CATSPERE: variants seen among roughly 807,000 people sequenced by gnomAD.
The protein encoded by CATSPERE is cation channel sperm-associated auxiliary subunit epsilon.
In CATSPERE, 93 loss-of-function variants were observed where a neutral mutation model predicts 114.1. That is an observed-to-expected ratio of 0.81 (90% CI 0.69 to 0.97). The LOEUF (loss-of-function observed/expected upper bound fraction) is 0.97. Among genes scored for constraint, CATSPERE ranks in the 50% least tolerant of loss-of-function variants. The pLI is 0.00. For synonymous variants in CATSPERE, 341 were observed against 384.1 expected, an observed-to-expected ratio of 0.89 and a Z score of 1.31; for missense variants, 1,058 against 1,131.6, an observed-to-expected ratio of 0.93 and a Z score of 0.93.
At chr1:244,601,812 G>A (rs964784420) in intron 17 of CATSPERE, among the ~76,000 whole-genome samples, 3 of 152,296 alleles carry the variant, frequency 2.0e-5, no homozygotes, top group South Asian at 2.1e-4. Context: ...AATTAGCCGG[G>A]CGTGGGTGGT....
chr1:244,509,030 C>G (rs940312804), intron 7 of CATSPERE, among the ~76,000 whole-genome samples: 2 of 150,774 alleles, frequency 1.3e-5, no homozygotes, highest in Non-Finnish European at 3.0e-5. Flanking sequence ...CAAAGAAGAA[C>G]AATTTATTTT....
chr1:244,517,122 G>A (rs904129306), intron 7 of CATSPERE, among the ~76,000 whole-genome samples: 2 of 151,538 alleles, frequency 1.3e-5, no homozygotes, highest in Admixed American at 1.3e-4. Context: ...ACACTAATGT[G>A]GTTTTTGCCT....
intron 17 of CATSPERE, among the ~76,000 whole-genome samples, chr1:244,595,024 T>C (rs1198977653): frequency 6.6e-6 from 1 of 152,164 alleles, no homozygotes; most frequent in Non-Finnish European, 1.5e-5. Flanking sequence ...AGAGGCCTAG[T>C]GTGTTTGTGT....
intron 2 of CATSPERE, among the ~76,000 whole-genome samples, chr1:244,474,737 CTTTTT>C (rs751024910): frequency 1.6e-5 from 2 of 126,442 alleles, no homozygotes. Context: ...TTTTCTTCTT[CTTTTT>C]TTTTTTTTTT....
chr1:244,553,616 C>CACACACACACACATATATACAT lies in CATSPERE; in HGVS notation c.1029+815_1029+816insTATATACATACACACACACACA, dbSNP rs1558484790. ...AAAAAAAAAAATACACACACACACACACACACACACACACACACACACACA... is the reference window on the plus strand; with the variant it reads ...AAAAAAAAAAATACACACACACACACACACACACACACATATATACATACACACACACACACACACACACACA... On this transcript the variant is annotated intron_variant, in intron 9 of 21. Transcript: ENST00000366534. Among the ~76,000 whole-genome samples the CACACACACACACATATATACAT allele has an allele frequency of 2.1e-3, 278 of 130,184 alleles. 1 individual carries two copies. The highest frequency in any genetic ancestry group is 8.5e-3 in the African/African-American group (265 of 31,118). The allele number at this position is 130,184 out of a possible 152,430, so 85.4% of individuals were successfully genotyped here.
intron 13 of CATSPERE, among the ~76,000 whole-genome samples, chr1:244,587,859 G>A (rs1472632382): frequency 1.3e-5 from 2 of 152,282 alleles, no homozygotes; most frequent in South Asian, 4.1e-4. Flanking sequence ...GTGCAAACTG[G>A]AAGTAGAGAT....
chr1:244,588,653 A>C, intron 14 of CATSPERE, 119 bp downstream of exon 14: 1 of 780,932 alleles, frequency 1.3e-6, no homozygotes, highest in Non-Finnish European at 2.2e-6. Context: ...GAAATCCAAA[A>C]CTGAATTGAC....
chr1:244,520,908 G>T (rs926692306), intron 8 of CATSPERE, among the ~76,000 whole-genome samples: 4 of 152,224 alleles, frequency 2.6e-5, no homozygotes, highest in African/African-American at 9.6e-5. Flanking sequence ...GAAGGGAAGA[G>T]AGCACTAGCA....
intron 13 of CATSPERE, among the ~76,000 whole-genome samples, chr1:244,585,511 A>G (rs191313026): frequency 5.1e-4 from 77 of 152,296 alleles, no homozygotes; most frequent in African/African-American, 1.8e-3. Context: ...TACTCAGCCA[A>G]GGAAATCAAA....
Position 244,461,405 on chromosome 1 carries a change from G to C in CATSPERE, c.-25G>C. On this transcript the variant is annotated 5_prime_UTR_variant, in exon 1 of 22. Coordinates refer to ENST00000366534, the MANE Select transcript of CATSPERE (RefSeq NM_001130957.2). Reference sequence around the variant, plus strand: ...GGCCTGGACGGGAGTGGCCGAGGCGGTTGGGCGGAGGCGGAGCAGGCGCCA... The same window carrying C: ...GGCCTGGACGGGAGTGGCCGAGGCGCTTGGGCGGAGGCGGAGCAGGCGCCA... The C allele has an allele frequency of 7.4e-7, 1 of 1,354,686 alleles. No individual in the cohort carries two copies. 83.9% of individuals were successfully genotyped at this position (1,354,686 alleles called of 1,614,324 possible).
intron 9 of CATSPERE, among the ~76,000 whole-genome samples, chr1:244,553,579 T>TGA (rs1661018723): frequency 2.5e-5 from 1 of 40,440 alleles, no homozygotes; most frequent in Admixed American, 3.7e-4. Flanking sequence ...AGACCCCGTC[T>TGA]CAAAAAAAAA....
chr1:244,617,697 G>A lies in CATSPERE; in HGVS notation c.2648+11G>A, dbSNP rs2148708600. On this transcript the variant is annotated intron_variant, in intron 20 of 21. Coordinates refer to ENST00000366534, the MANE Select transcript of CATSPERE (RefSeq NM_001130957.2). The stretch of plus-strand genomic sequence containing the variant: ...GGATCCAAACTATAGGTGAATATAT[G>A]TGTTACTGTAATAGTGTTAGCATTA... 1 of 1,523,434 alleles carries A rather than the reference G, an allele frequency of 6.6e-7. No individual in the cohort carries two copies. The allele number at this position is 1,523,434 out of a possible 1,614,324, so 94.4% of individuals were successfully genotyped here.
At chr1:244,549,468 G>C (rs1455251147) in intron 8 of CATSPERE, among the ~76,000 whole-genome samples, 1 of 151,822 alleles carries the variant, frequency 6.6e-6, no homozygotes, top group Non-Finnish European at 1.5e-5. Context: ...AAATATATTT[G>C]TTTCCTTCCT....
At chr1:244,561,453 C>T (rs867923565) in intron 10 of CATSPERE, among the ~76,000 whole-genome samples, 2 of 152,070 alleles carry the variant, frequency 1.3e-5, no homozygotes, top group Admixed American at 6.6e-5. Flanking sequence ...TATTGTGTTA[C>T]GTTTCCTGGG....
chr1:244,634,939 G>A (rs548440256), intron 20 of CATSPERE, among the ~76,000 whole-genome samples: 4 of 152,270 alleles, frequency 2.6e-5, no homozygotes, highest in African/African-American at 9.6e-5. Flanking sequence ...CCGCCTCCTG[G>A]GTTCAAGAGA....
At chr1:244,634,220 A>G (rs1000472099) in intron 20 of CATSPERE, among the ~76,000 whole-genome samples, 1 of 152,156 alleles carries the variant, frequency 6.6e-6, no homozygotes, top group Non-Finnish European at 1.5e-5. Context: ...TTACATGCCA[A>G]TTCCACAAGT....
chr1:244,637,572 C>A (rs1182280477), intron 21 of CATSPERE, among the ~76,000 whole-genome samples: 3 of 152,188 alleles, frequency 2.0e-5, no homozygotes, highest in Non-Finnish European at 4.4e-5. Context: ...CCCCCTTCAC[C>A]CTTACTGGAA....
At chr1:244,563,756 G>C (rs1224661090) in intron 10 of CATSPERE, among the ~76,000 whole-genome samples, 4 of 152,150 alleles carry the variant, frequency 2.6e-5, no homozygotes, top group Admixed American at 2.6e-4. Flanking sequence ...AAGCTCTTTA[G>C]TTTAATTAGA....
At chr1:244,529,609 T>C (rs921147995) in intron 8 of CATSPERE, among the ~76,000 whole-genome samples, 3 of 152,196 alleles carry the variant, frequency 2.0e-5, no homozygotes, top group Non-Finnish European at 4.4e-5. Flanking sequence ...TCCCCCATTC[T>C]GTGGATTGTC....
Sources: gnomAD v4.1 joint callset for allele counts (sites outside exome capture counted in the v4.1 genomes callset) on GRCh38, gnomAD v4.1.1 for gene constraint, MANE v1.5 for transcripts, NCBI Gene and HGNC (gene_info 2026-07-23, HGNC 2026-07-21) for gene names.